PCCA: variants seen among roughly 807,000 people sequenced by gnomAD.
The protein encoded by PCCA is propionyl-CoA carboxylase alpha chain, mitochondrial.
In PCCA, 74 loss-of-function variants were observed where a neutral mutation model predicts 101.3. The ratio of observed to expected loss-of-function variants is 0.73; its 90% CI spans 0.61 to 0.89. The LOEUF is 0.89. Among genes scored for constraint, PCCA ranks in the 40% least tolerant of loss-of-function variants. PCCA has a pLI of 0.00. For synonymous variants in PCCA, 294 were observed against 313.6 expected (o/e 0.94, Z 0.66); for missense variants, 891 against 907.0 (o/e 0.98, Z 0.23).
intron 18 of PCCA, among the ~76,000 whole-genome samples, chr13:100,367,527 A>G (rs986156287): frequency 6.6e-6 from 1 of 151,756 alleles, no homozygotes; most frequent in Non-Finnish European, 1.5e-5. Context: ...CAAAATTTAG[A>G]TGTTGTCCTA....
chr13:100,520,153 A>G (rs934713198), intron 22 of PCCA, among the ~76,000 whole-genome samples: 2 of 152,224 alleles, frequency 1.3e-5, no homozygotes, highest in African/African-American at 4.8e-5. Flanking sequence ...GAAGAATCCA[A>G]CAAGCACTCC....
At chr13:100,120,242 G>C (rs1052703457) in intron 4 of PCCA, among the ~76,000 whole-genome samples, 9 of 148,612 alleles carry the variant, frequency 6.1e-5, no homozygotes, top group Admixed American at 5.4e-4. Flanking sequence ...GCAGTGGTGT[G>C]ATCATAGCAA....
chr13:100,089,472 T>C (rs572624329), intron 1 of PCCA, among the ~76,000 whole-genome samples: 349 of 152,374 alleles, frequency 2.3e-3, no homozygotes, highest in Non-Finnish European at 4.2e-3. Flanking sequence ...GCAGAGGCAG[T>C]TGGGTGCCCG....
chr13:100,497,980 C>T (rs1192438156), intron 21 of PCCA, among the ~76,000 whole-genome samples: 1 of 152,032 alleles, frequency 6.6e-6, no homozygotes, highest in East Asian at 1.9e-4. Context: ...GTTGATCCTC[C>T]TGCCTCAGCC....
intron 19 of PCCA, among the ~76,000 whole-genome samples, chr13:100,374,981 C>G (rs1370109157): frequency 1.3e-5 from 2 of 152,100 alleles, no homozygotes. Flanking sequence ...TTAGATCTTT[C>G]CTCCTTTCTC....
intron 20 of PCCA, among the ~76,000 whole-genome samples, chr13:100,445,525 G>C (rs901576822): frequency 6.6e-6 from 1 of 151,844 alleles, no homozygotes; most frequent in South Asian, 2.1e-4. Context: ...TAGCTTTCTC[G>C]TACCTATTTC....
chr13:100,239,118 T>C (rs532953475), intron 8 of PCCA, among the ~76,000 whole-genome samples: 19 of 152,354 alleles, frequency 1.2e-4, no homozygotes, highest in African/African-American at 4.3e-4. Context: ...TACATAATGG[T>C]AACTCCAGTT....
intron 6 of PCCA, among the ~76,000 whole-genome samples, chr13:100,189,780 G>C (rs185259359): frequency 5.3e-5 from 8 of 152,302 alleles, no homozygotes; most frequent in African/African-American, 1.4e-4. Flanking sequence ...AAAGTGCTGG[G>C]ATTACAGGCA....
chr13:100,409,806 C>T (rs993465029), intron 19 of PCCA, among the ~76,000 whole-genome samples: 4 of 152,270 alleles, frequency 2.6e-5, no homozygotes, highest in African/African-American at 7.2e-5. Flanking sequence ...CTCATTCTGT[C>T]GCCCAGGATG....
At chr13:100,469,395 C>T (rs1047814544) in intron 21 of PCCA, among the ~76,000 whole-genome samples, 9 of 152,002 alleles carry the variant, frequency 5.9e-5, no homozygotes, top group African/African-American at 2.2e-4. Flanking sequence ...AGAAACATGA[C>T]AAGGTGGGTC....
At chr13:100,326,911 TTTGTAGCATCAAAAG>T (rs1353081528) in intron 16 of PCCA, among the ~76,000 whole-genome samples, 3 of 152,218 alleles carry the variant, frequency 2.0e-5, no homozygotes, top group Non-Finnish European at 2.9e-5. Context: ...TATTTACTTT[TTTGTAGCATCAAAAG>T]TTATATATGG....
At position 100,273,334 on chromosome 13, in the gene PCCA, TAC is replaced by T; in HGVS notation, c.1055_1056del (p.Thr352LysfsTer5). Reference sequence around the variant, plus strand: ...AGAATTTTTATTTCTTGGAAATGAATACAAGACTCCAGGTAACAACAACTGTT... The same window carrying T: ...AGAATTTTTATTTCTTGGAAATGAATAAGACTCCAGGTAACAACAACTGTT... ...KKNFYFLEMN[T>X]RLQVEHPVTE... On this transcript the variant is annotated frameshift_variant, in exon 12 of 24. Transcript: ENST00000376285. LOFTEE classifies it high-confidence loss of function. The T allele has an allele frequency of 6.2e-7, 1 of 1,612,470 alleles. No individual in the cohort carries two copies. The highest frequency in any genetic ancestry group is 8.5e-7 in the Non-Finnish European group (1 of 1,178,486).
At chr13:100,368,621 G>T (rs760717801) in intron 19 of PCCA, 47 bp downstream of exon 19, 1 of 1,196,530 alleles carries the variant, frequency 8.4e-7, no homozygotes, top group South Asian at 1.2e-5. Context: ...TGTTATCTAT[G>T]AATATTTAAA....
chr13:100,116,725 G>T (rs2048833815), intron 4 of PCCA, among the ~76,000 whole-genome samples: 1 of 152,152 alleles, frequency 6.6e-6, no homozygotes, highest in African/African-American at 2.4e-5. Context: ...GAGTGGAGTA[G>T]CTGGGTCTTA....
intron 12 of PCCA, among the ~76,000 whole-genome samples, chr13:100,284,143 C>T (rs1489143914): frequency 1.3e-5 from 2 of 152,236 alleles, no homozygotes; most frequent in Non-Finnish European, 2.9e-5. Context: ...CCTTACCATC[C>T]GAGGAATCCT....
rs900192358 is a variant in PCCA at position 100,515,457 on chromosome 13, G to A, written c.1930G>A (p.Ala644Thr). The stretch of plus-strand genomic sequence containing the variant: ...GGTGAATATCTTAACCAGACTTGCC[G>A]CAGAATTGAACAAATTTATGCTGGA... ...YKVNILTRLA[A>T]ELNKFMLEKV... Residue 644 changes from alanine to threonine, a missense_variant, in exon 22 of 24, where the codon GCA becomes ACA. By Grantham distance (58) the Ala-to-Thr change is moderately conservative (BLOSUM62 0). Coordinates refer to ENST00000376285, the MANE Select transcript of PCCA (RefSeq NM_000282.4). 3 of 1,613,982 alleles carry A rather than the reference G, an allele frequency of 1.9e-6. No homozygotes were observed. Among genetic ancestry groups the A allele is most frequent in the African/African-American group, 1.3e-5 (1 of 75,002 alleles).
chr13:100,517,993 A>AT (rs2086960892), intron 22 of PCCA, among the ~76,000 whole-genome samples: 1 of 151,984 alleles, frequency 6.6e-6, no homozygotes, highest in Admixed American at 6.6e-5. Flanking sequence ...GTTTTAAGTG[A>AT]TTTTAACACC....
chr13:100,249,569 C>G (rs2061639119), intron 8 of PCCA, among the ~76,000 whole-genome samples: 1 of 152,060 alleles, frequency 6.6e-6, no homozygotes, highest in African/African-American at 2.4e-5. Context: ...GGGTCTTTTC[C>G]TTTCCATATA....
chr13:100,396,866 A>C lies in PCCA; in HGVS notation c.1746+28292A>C, dbSNP rs1485746068. 2.6e-5 allele frequency among the ~76,000 whole-genome samples: 4 copies of C among 152,220 alleles called. No individual in the cohort carries two copies. In the East Asian group the frequency reaches 7.7e-4, roughly 29 times the overall value. The stretch of plus-strand genomic sequence containing the variant: ...AAATTTTGTTGAGTGAGGCTGGTGA[A>C]CCTAGAAAGCTGCTTCTTCTGCCTC... On this transcript the variant is annotated intron_variant, in intron 19 of 23. Transcript: ENST00000376285.
Sources: allele counts gnomAD v4.1 joint callset (sites outside exome capture counted in the v4.1 genomes callset), GRCh38; gene constraint gnomAD v4.1.1; transcripts MANE v1.5; gene names NCBI Gene and HGNC (gene_info 2026-07-23, HGNC 2026-07-21).